The following MYO18A variants were observed in gnomAD, a reference collection of about 807,000 sequenced individuals.
The protein encoded by MYO18A is myosin XVIIIA, also known as unconventional myosin-XVIIIa.
A neutral mutation model predicts 235.8 loss-of-function variants in MYO18A; 78 were observed. The ratio of observed to expected loss-of-function variants is 0.33; its 90% CI spans 0.28 to 0.40. The LOEUF is 0.40. Ranked by LOEUF, MYO18A falls within the 10% of genes least tolerant of loss-of-function variation. The pLI is 1.00. For synonymous variants in MYO18A, 977 were observed against 1,077.8 expected (o/e 0.91, Z 1.83); for missense variants, 2,215 against 2,699.3 (o/e 0.82, Z 3.98).
rs1045796776 is a variant in MYO18A, at chr17:29,109,211, C to T, written c.3331+647G>A. On this transcript the variant is annotated intron_variant, in intron 19 of 41. Transcript: ENST00000527372. The surrounding 1 kb of genome is among the most constrained non-coding windows in gnomAD (Gnocchi z 4.1). ...TTGAGAGACATGAGACATGACTCTA[C>T]AGCCAGCCTGCCTGGTCAAATCCCA... is the stretch of plus-strand genomic sequence containing the variant. 6.6e-6 allele frequency among the ~76,000 whole-genome samples: 1 copy of T among 151,978 alleles called. No individual in the cohort carries two copies. The highest frequency in any genetic ancestry group is 1.5e-5 in the Non-Finnish European group (1 of 67,996).
At chr17:29,092,258 C>A (rs1204766914) in intron 34 of MYO18A, 85 bp downstream of exon 34, 1 of 979,642 alleles carries the variant, frequency 1.0e-6, no homozygotes. Context: ...CGTGGAGGGA[C>A]CTGTCTAGGG....
At chr17:29,138,665 AGTGTGACT>A (rs2067663932) in intron 2 of MYO18A, among the ~76,000 whole-genome samples, 1 of 152,266 alleles carries the variant, frequency 6.6e-6, no homozygotes, top group Non-Finnish European at 1.5e-5. Context: ...AATAGATACT[AGTGTGACT>A]GTGTGACTGC....
intron 2 of MYO18A, among the ~76,000 whole-genome samples, chr17:29,142,282 C>T (rs867614267): frequency 2.0e-5 from 3 of 152,356 alleles, no homozygotes; most frequent in Non-Finnish European, 2.9e-5. Flanking sequence ...TTCTCACATG[C>T]AGCCAAGGCT....
At chr17:29,133,625 G>A (rs2067525994) in intron 2 of MYO18A, 1 of 415,620 alleles carries the variant, frequency 2.4e-6, no homozygotes, top group African/African-American at 2.1e-5. Context: ...CATCCAGCCA[G>A]AATAGGGAGT....
rs1173847373 is a variant in MYO18A, at chr17:29,110,017, G to A, written c.3172C>T (p.Pro1058Ser). Residue 1058 changes from proline (P) to serine (S), a missense_variant, in exon 19 of 42, where the codon CCC (proline) becomes TCC (serine). Coordinates refer to ENST00000527372, the MANE Select transcript of MYO18A (RefSeq NM_078471.4). ...LPVAEGWAGE[P>S]RSASSRRVSS... ...ACTCGGCGGGAGGAGGCGGAACGGG[G>A]CTCCCCAGCCCAGCCCTCAGCTACA... The A allele has an allele frequency of 3.7e-6, 6 of 1,612,940 alleles. No individual in the cohort carries two copies. The highest frequency in any genetic ancestry group is 3.3e-5 in the South Asian group (3 of 90,964).
rs578063091 is a variant in MYO18A, at chr17:29,149,124, G to A, written c.999+16818C>T. Among the ~76,000 whole-genome samples, 3 of 152,348 alleles carry A rather than the reference G, an allele frequency of 2.0e-5. No individual in the cohort carries two copies. The South Asian group carries it at 6.2e-4, about 32-fold the overall frequency. ...GGCCTCCAGGCCCCACCCCCAGGAG[G>A]CGTCCCCCAGGAGCTCCGGCCCGAG... On this transcript the variant is annotated intron_variant, in intron 2 of 41. Transcript: ENST00000527372.
chr17:29,154,121 T>TGTGTGTGC (rs142430455), intron 2 of MYO18A, among the ~76,000 whole-genome samples: 49 of 149,108 alleles, frequency 3.3e-4, no homozygotes, highest in African/African-American at 1.2e-3. Context: ...TGTGTGTGTG[T>TGTGTGTGC]GCGCGCGCGT....
chr17:29,098,809 C>T lies in MYO18A; in HGVS notation c.3780+17G>A. On this transcript the variant is annotated intron_variant, in intron 23 of 41. Transcript: ENST00000527372. ...TCCCCCTACCCAGAGACTTGGCCCT[C>T]TCAGGCTGTCACATACGTCTTTGTT... The T allele has an allele frequency of 4.3e-6, 7 of 1,613,794 alleles. No individual in the cohort carries two copies. Among genetic ancestry groups the T allele is most frequent in the Non-Finnish European group, 5.9e-6 (7 of 1,179,758 alleles).
chr17:29,161,696 C>T (rs1168616963), intron 2 of MYO18A, among the ~76,000 whole-genome samples: 1 of 152,146 alleles, frequency 6.6e-6, no homozygotes, highest in Admixed American at 6.5e-5. Flanking sequence ...TTTGTCCTCC[C>T]CTAGAATGGA....
At position 29,086,546 on chromosome 17, in the gene MYO18A, T is replaced by G; in HGVS notation, c.5744A>C (p.Asn1915Thr). The G allele has an allele frequency of 6.2e-6, 10 of 1,613,274 alleles. No individual in the cohort carries two copies. Among genetic ancestry groups the G allele is most frequent in the Non-Finnish European group, 8.5e-6 (10 of 1,179,636 alleles). Residue 1915 changes from asparagine (N) to threonine (T), a missense_variant, in exon 39 of 42, where the codon AAC becomes ACC. Physicochemically the swap from Asn to Thr is moderately conservative, Grantham distance 65. Coordinates refer to ENST00000527372, the MANE Select transcript of MYO18A (RefSeq NM_078471.4). ...EMDLESLEAA[N>T]QSLQADLKLA... ...CTTTAGGTCAGCCTGCAGGCTCTGG[T>G]TAGCAGCCTCCAGGCTTTCTAGATC...
chr17:29,166,356 C>T lies in MYO18A; in HGVS notation c.585G>A (p.Glu195=). 6.2e-7 allele frequency: 1 copy of T among 1,613,170 alleles called. No individual in the cohort carries two copies. Residue 195 remains glutamate (E), a synonymous_variant, in exon 2 of 42, where the codon GAG becomes GAA. Coordinates refer to ENST00000527372, the MANE Select transcript of MYO18A (RefSeq NM_078471.4). ...PRPGHRSRAP[E]LVTKKFPVDL... ...CGACTGGGAACTTTTTAGTCACTAG[C>T]TCAGGGGCTCGGGATCGGTGCCCTG...
chr17:29,159,989 T>C (rs771097041), intron 2 of MYO18A, among the ~76,000 whole-genome samples: 5 of 151,992 alleles, frequency 3.3e-5, no homozygotes, highest in Admixed American at 1.3e-4. Context: ...TACAGGAAAA[T>C]CCAGACGAAA....
At chr17:29,157,324 C>T (rs1179512803) in intron 2 of MYO18A, among the ~76,000 whole-genome samples, 2 of 152,200 alleles carry the variant, frequency 1.3e-5, no homozygotes, top group Admixed American at 6.5e-5. Context: ...GCAATGGTCA[C>T]ACCCTTCTGC....
chr17:29,142,646 T>C (rs112689285), intron 2 of MYO18A, among the ~76,000 whole-genome samples: 4 of 152,308 alleles, frequency 2.6e-5, no homozygotes, highest in African/African-American at 9.6e-5. Flanking sequence ...TTCCAGGTGA[T>C]GCTGAGGCAC....
At chr17:29,086,168 G>A (rs558696156) in intron 39 of MYO18A, among the ~76,000 whole-genome samples, 39 of 152,344 alleles carry the variant, frequency 2.6e-4, no homozygotes, top group South Asian at 1.0e-3. Flanking sequence ...GCAGCTAAAC[G>A]GGAGAATAAC....
At chr17:29,150,204 C>T (rs1207344402) in intron 2 of MYO18A, among the ~76,000 whole-genome samples, 1 of 152,232 alleles carries the variant, frequency 6.6e-6, no homozygotes, top group East Asian at 1.9e-4. Context: ...CCCTATTGGG[C>T]CTGTTTCTAA....
At chr17:29,141,527 C>A (rs143786780) in intron 2 of MYO18A, among the ~76,000 whole-genome samples, 172 of 152,288 alleles carry the variant, frequency 1.1e-3, no homozygotes, top group African/African-American at 3.7e-3. Context: ...ATGCTTCTTG[C>A]CCCTGGCCAG....
intron 37 of MYO18A, among the ~76,000 whole-genome samples, chr17:29,088,896 G>C (rs1416428996): frequency 6.6e-6 from 1 of 152,026 alleles, no homozygotes; most frequent in Non-Finnish European, 1.5e-5. Context: ...AAATTAGCCA[G>C]GCATGGTGGC....
Position 29,074,463 on chromosome 17 carries a change from C to T in MYO18A, c.*307G>A, listed in dbSNP as rs2152703560. 2 of 580,176 alleles carry T rather than the reference C, an allele frequency of 3.4e-6. No homozygotes were observed. The highest frequency in any genetic ancestry group is 5.8e-5 in the East Asian group (2 of 34,312). The allele number at this position is 580,176 out of a possible 1,614,324, so 35.9% of individuals were successfully genotyped here. ...GGGAGCTGAGAGGGAGGTCAACGTG[C>T]TGGCTCCATGCAGTGCCAGGCCACC... On this transcript the variant is annotated 3_prime_UTR_variant, in exon 42 of 42. Transcript: ENST00000527372. This position sits in a 1 kb window ranked among gnomAD's most constrained non-coding sequence, Gnocchi z 4.4.
Sources: allele counts gnomAD v4.1 joint callset (sites outside exome capture counted in the v4.1 genomes callset), GRCh38; gene constraint gnomAD v4.1.1; non-coding constraint Gnocchi (gnomAD v3.1); transcripts MANE v1.5; gene names NCBI Gene and HGNC (gene_info 2026-07-23, HGNC 2026-07-21).